The following CUL9 variants were observed in gnomAD, a reference collection of about 807,000 sequenced individuals.
CUL9 encodes the protein cullin 9.
A neutral mutation model predicts 272.6 loss-of-function variants in CUL9; 79 were observed. The observed-to-expected ratio is 0.29, with a 90% CI of 0.24 to 0.35. CUL9 has a LOEUF of 0.35. Among genes scored for constraint, CUL9 ranks in the 10% least tolerant of loss-of-function variants. The pLI, the probability that CUL9 is intolerant of heterozygous loss-of-function variation, is 1.00. For synonymous variants in CUL9, 1,186 were observed against 1,286.5 expected (o/e 0.92, Z 1.67); for missense variants, 2,532 against 3,255.6 (o/e 0.78, Z 5.41).
chr6:43,217,524 C>G (rs1043350182), intron 31 of CUL9, among the ~76,000 whole-genome samples: 1 of 152,176 alleles, frequency 6.6e-6, no homozygotes, highest in Admixed American at 6.5e-5. Flanking sequence ...GTGCCAAGCC[C>G]AAACACTTCA....
At position 43,196,657 on chromosome 6, in the gene CUL9, A is replaced by G; in HGVS notation, c.2598A>G (p.Ala866=). 6.2e-7 allele frequency: 1 copy of G among 1,614,164 alleles called. No homozygotes were observed. The change falls in exon 11 of 41, where the codon GCA becomes GCG. Residue 866 remains alanine, a synonymous_variant. Transcript: ENST00000252050. ...TCCCTCCTCCCAGGTGCTCTTCTGC[A>G]GCGAGAAATGGCTTACTCCTGCTCA... is the stretch of plus-strand genomic sequence containing the variant. ...LMLNTEGCSS[A]ARNGLLLLNL...
intron 11 of CUL9, 63 bp from the exon 12 acceptor site, chr6:43,198,546 T>G: frequency 6.3e-7 from 1 of 1,584,252 alleles, no homozygotes; most frequent in Non-Finnish European, 8.6e-7. Context: ...TTCCCAGTTC[T>G]CAGTTTGACA....
At chr6:43,207,942 G>C (rs989031547) in intron 26 of CUL9, among the ~76,000 whole-genome samples, 1 of 152,186 alleles carries the variant, frequency 6.6e-6, no homozygotes, top group Admixed American at 6.5e-5. Flanking sequence ...ACTACTGAGA[G>C]AGGTGTGCTA....
At chr6:43,189,624 A>T (rs989197542) in intron 8 of CUL9, among the ~76,000 whole-genome samples, 3 of 151,730 alleles carry the variant, frequency 2.0e-5, no homozygotes, top group African/African-American at 7.3e-5. Context: ...GCTCACTGCA[A>T]CCTCCGCCTC....
chr6:43,213,793 G>A lies in CUL9; in HGVS notation c.5569G>A (p.Val1857Ile), dbSNP rs200286115. Reference sequence around the variant, plus strand: ...GATACCTCCCCAGGCATACCTGAACGTAGAGAAGGATGAAGGCCGAACCCT... The same window carrying A: ...GATACCTCCCCAGGCATACCTGAACATAGAGAAGGATGAAGGCCGAACCCT... ...WLIPPQAYLNVEKDEGRTLEQ... is the reference protein window; with the variant it reads ...WLIPPQAYLNIEKDEGRTLEQ... Residue 1857 changes from valine (V) to isoleucine (I), a missense_variant, in exon 29 of 41, where the codon GTA becomes ATA. Physicochemically the swap from Val to Ile is conservative, Grantham distance 29 (BLOSUM62 3). Around this residue, in one of 3 missense-constraint regions of CUL9, gnomAD observed 2,218 missense variants for 2,788.6 expected, o/e 0.80. Transcript: ENST00000252050. The surrounding 1 kb of genome is among the most constrained non-coding windows in gnomAD (Gnocchi z 5.7). 144 of 1,614,078 alleles carry A rather than the reference G, an allele frequency of 8.9e-5. No homozygotes were observed. The highest frequency in any genetic ancestry group is 5.3e-4 in the East Asian group (24 of 44,906).
intron 29 of CUL9, among the ~76,000 whole-genome samples, chr6:43,214,390 C>T (rs981247966): frequency 6.6e-6 from 1 of 152,158 alleles, no homozygotes; most frequent in African/African-American, 2.4e-5. Context: ...GTACCCCAGC[C>T]TGGGCAACAG....
At chr6:43,219,299 G>A (rs986886161) in intron 31 of CUL9, among the ~76,000 whole-genome samples, 1 of 152,200 alleles carries the variant, frequency 6.6e-6, no homozygotes. Context: ...ACAGCTGAGT[G>A]GCACAACAGC....
chr6:43,193,064 C>G lies in CUL9; in HGVS notation c.2244C>G (p.Val748=). The change falls in exon 9 of 41, where the codon GTC becomes GTG. Residue 748 remains valine (V), a synonymous_variant. Coordinates refer to ENST00000252050, the MANE Select transcript of CUL9 (RefSeq NM_015089.4). ...ACCAGGTGGGAGAGAAGATGGTGGT[C>G]GTGCAGGCCCTGCGCCTCCTTTACC... ...LTNQVGEKMV[V]VQALRLLYLL... is the part of the protein sequence containing the mutation. 2.5e-6 allele frequency: 4 copies of G among 1,614,166 alleles called. No individual in the cohort carries two copies. Among genetic ancestry groups the G allele is most frequent in the Non-Finnish European group, 3.4e-6 (4 of 1,180,018 alleles).
Position 43,187,328 on chromosome 6 carries a change from A to C in CUL9, c.1470A>C (p.Arg490Ser). The C allele has an allele frequency of 5.6e-6, 9 of 1,614,082 alleles. No homozygotes were observed. The highest frequency in any genetic ancestry group is 7.6e-6 in the Non-Finnish European group (9 of 1,179,988). Residue 490 changes from arginine (R) to serine (S), a missense_variant, in exon 6 of 41, where the codon AGA becomes AGC. Physicochemically the swap from Arg to Ser is moderately radical, Grantham distance 110. This residue lies in a region of CUL9 where 2,218 missense variants were observed against 2,788.6 expected (regional missense o/e 0.80). Coordinates refer to ENST00000252050, the MANE Select transcript of CUL9 (RefSeq NM_015089.4). ...AGCCCGAACCTCAGAAGAATGAGAG[A>C]GTGGGATATCTGACCCAGGCTGAAT... ...YLQPEPQKNE[R>S]VGYLTQAEWW...
At chr6:43,219,911 C>T (rs576160960) in intron 31 of CUL9, among the ~76,000 whole-genome samples, 3 of 151,998 alleles carry the variant, frequency 2.0e-5, no homozygotes, top group South Asian at 2.1e-4. Context: ...ACACTGGTGA[C>T]GAGGGGGACA....
chr6:43,185,559 C>G lies in CUL9; in HGVS notation c.699C>G (p.Thr233=). ...CATTGCTGGAGCTGTTTGCAGAAAC[C>G]ACATCCTCTGAAGAACACTGCATGG... ...RYTLLELFAE[T]TSSEEHCMAF... The change falls in exon 3 of 41, where the codon ACC becomes ACG. Residue 233 remains threonine (T), a synonymous_variant. Coordinates refer to ENST00000252050, the MANE Select transcript of CUL9 (RefSeq NM_015089.4). The G allele has an allele frequency of 6.2e-7, 1 of 1,613,846 alleles. No individual in the cohort carries two copies. The highest frequency in any genetic ancestry group is 8.5e-7 in the Non-Finnish European group (1 of 1,180,040).
At chr6:43,215,596 T>G (rs1775872869) in intron 30 of CUL9, among the ~76,000 whole-genome samples, 1 of 152,244 alleles carries the variant, frequency 6.6e-6, no homozygotes, top group Admixed American at 6.5e-5. Context: ...TACAGAGGAA[T>G]TTGCCATAGG....
chr6:43,200,453 C>A lies in CUL9; in HGVS notation c.3402C>A (p.Ile1134=). 1.2e-6 allele frequency: 2 copies of A among 1,614,122 alleles called. No individual in the cohort carries two copies. The highest frequency in any genetic ancestry group is 1.7e-6 in the Non-Finnish European group (2 of 1,180,016). ...GGCTGCAGATGGTGCTGGGCCAGAT[C>A]GAAGACCACAGACGAACCCACCAAC... ...AGCIQMVLGQ[I]EDHRRTHQPI... is the part of the protein sequence containing the mutation. Residue 1134 remains isoleucine (I), a synonymous_variant, in exon 15 of 41, where the codon ATC becomes ATA. Coordinates refer to ENST00000252050, the MANE Select transcript of CUL9 (RefSeq NM_015089.4). The surrounding 1 kb of genome is among the most constrained non-coding windows in gnomAD (Gnocchi z 4.0).
In CUL9 at chr6:43,223,893, C is replaced by T. The variant is rs1453182988; in HGVS notation, c.7285-202C>T. ...TCTGTAAGCTCTTTAAGCACAGGGT[C>T]GTGTGCCTCACCTGGTACCCCGTAT... On this transcript the variant is annotated intron_variant, in intron 39 of 40. Coordinates refer to ENST00000252050, the MANE Select transcript of CUL9 (RefSeq NM_015089.4). The surrounding 1 kb of genome is among the most constrained non-coding windows in gnomAD (Gnocchi z 4.1). The T allele has an allele frequency of 4.9e-6, 3 of 613,656 alleles. No homozygotes were observed. The highest frequency in any genetic ancestry group is 1.8e-5 in the South Asian group (1 of 54,380). The allele number at this position is 613,656 out of a possible 1,614,324, so 38.0% of individuals were successfully genotyped here.
At position 43,223,863 on chromosome 6, in the gene CUL9, T is replaced by G; in HGVS notation, c.7285-232T>G. On this transcript the variant is annotated intron_variant, in intron 39 of 40. Transcript: ENST00000252050. The surrounding 1 kb of genome is among the most constrained non-coding windows in gnomAD (Gnocchi z 4.1). The stretch of plus-strand genomic sequence containing the variant: ...GTAAGTCACATGGGCAGAAAAGACA[T>G]AGATTCTGTAAGCTCTTTAAGCACA... 3.5e-6 allele frequency: 2 copies of G among 576,124 alleles called. No individual in the cohort carries two copies. The highest frequency in any genetic ancestry group is 3.0e-5 in the Admixed American group (1 of 33,360). The allele number at this position is 576,124 out of a possible 1,614,324, so 35.7% of individuals were successfully genotyped here.
chr6:43,207,108 T>C (rs535123524), intron 26 of CUL9, among the ~76,000 whole-genome samples: 4 of 152,326 alleles, frequency 2.6e-5, no homozygotes, highest in African/African-American at 9.6e-5. Flanking sequence ...TGAGCCACTG[T>C]GCCCGGCCAA....
At chr6:43,211,094 CA>C (rs1775443563) in intron 26 of CUL9, among the ~76,000 whole-genome samples, 1 of 152,200 alleles carries the variant, frequency 6.6e-6, no homozygotes, top group Non-Finnish European at 1.5e-5. Context: ...CTCTAACTCC[CA>C]TATTAGTTAT....
chr6:43,222,528 C>T lies in CUL9; in HGVS notation c.6922-3C>T. On this transcript the variant is annotated splice_polypyrimidine_tract_variant and splice_region_variant and intron_variant, in intron 36 of 40. Coordinates refer to ENST00000252050, the MANE Select transcript of CUL9 (RefSeq NM_015089.4). ...TGGTACTGATACACCTTCCTCCACACAGGAGTTTGCTGTGAACTTGCGGAA... is the reference window on the plus strand; with the variant it reads ...TGGTACTGATACACCTTCCTCCACATAGGAGTTTGCTGTGAACTTGCGGAA... 2 of 1,613,956 alleles carry T rather than the reference C, an allele frequency of 1.2e-6. No individual in the cohort carries two copies. Among genetic ancestry groups the T allele is most frequent in the Non-Finnish European group, 1.7e-6 (2 of 1,179,956 alleles).
intron 7 of CUL9, 75 bp from the exon 8 acceptor site, chr6:43,188,448 G>A: frequency 7.2e-7 from 1 of 1,382,856 alleles, no homozygotes; most frequent in Admixed American, 2.3e-5. Flanking sequence ...TAGGATAACT[G>A]GGCTTGACTT....
Sources: gnomAD v4.1 joint callset for allele counts (sites outside exome capture counted in the v4.1 genomes callset) on GRCh38, gnomAD v4.1.1 for gene constraint, gnomAD v4.1.1 regional missense constraint, Gnocchi (gnomAD v3.1) non-coding constraint, MANE v1.5 for transcripts, NCBI Gene and HGNC (gene_info 2026-07-23, HGNC 2026-07-21) for gene names.